Variants in LOC728743 observed in about 807,000 individuals in gnomAD.
At chr7:150,403,444 T>C in the LOC728743 span, among the ~76,000 whole-genome samples, 1 of 152,198 alleles carries the variant, frequency 6.6e-6, no homozygotes. The surrounding 1 kb of genome is among the most constrained non-coding windows in gnomAD (Gnocchi z 5.1). Flanking sequence ...TCCTCAGGCA[T>C]ATTATTGATT....
the LOC728743 span, among the ~76,000 whole-genome samples, chr7:150,402,247 T>C: frequency 3.4e-3 from 516 of 152,366 alleles, 2 homozygotes; most frequent in Non-Finnish European, 6.1e-3. Context: ...AGGGTTTGAA[T>C]TGATGTCATA....
At chr7:150,401,801 A>G in the LOC728743 span, among the ~76,000 whole-genome samples, 1 of 152,216 alleles carries the variant, frequency 6.6e-6, no homozygotes, top group Non-Finnish European at 1.5e-5. Flanking sequence ...TGTGGCTTGT[A>G]CGGCTGAGGA....
chr7:150,409,345 C>T, the LOC728743 span, among the ~76,000 whole-genome samples: 1 of 152,098 alleles, frequency 6.6e-6, no homozygotes, highest in South Asian at 2.1e-4. Flanking sequence ...CCTCGAGGGG[C>T]TTGGGTCATC....
At chr7:150,409,334 G>A in the LOC728743 span, among the ~76,000 whole-genome samples, 1 of 152,174 alleles carries the variant, frequency 6.6e-6, no homozygotes, top group African/African-American at 2.4e-5. Context: ...AAGAGCTGGA[G>A]CCTCGAGGGG....
At chr7:150,408,192 G>A in the LOC728743 span, 7 of 392,432 alleles carry the variant, frequency 1.8e-5, 1 homozygote, top group East Asian at 2.5e-4. Context: ...GGGCCCGAGG[G>A]CCAGGCGGCC....
the LOC728743 span, among the ~76,000 whole-genome samples, chr7:150,407,046 C>T: frequency 6.6e-6 from 1 of 152,190 alleles, no homozygotes; most frequent in South Asian, 2.1e-4. Flanking sequence ...TCCCTACCTC[C>T]CCCTGTCCTT....
At chr7:150,406,576 CCTCA>C in the LOC728743 span, among the ~76,000 whole-genome samples, 1 of 152,186 alleles carries the variant, frequency 6.6e-6, no homozygotes, top group Non-Finnish European at 1.5e-5. Context: ...AGTATGTTGA[CCTCA>C]CTGAGCCTCA....
the LOC728743 span, among the ~76,000 whole-genome samples, chr7:150,404,161 C>T: frequency 6.6e-6 from 1 of 152,248 alleles, no homozygotes; most frequent in African/African-American, 2.4e-5. Flanking sequence ...CACCTGGCAG[C>T]TACAGAGAGG....
At chr7:150,407,536 C>T in the LOC728743 span, 17 of 398,216 alleles carry the variant, frequency 4.3e-5, no homozygotes, top group Non-Finnish European at 6.6e-5. Context: ...TGTTCCCCGA[C>T]CCCTCTCTCT....
At chr7:150,408,304 G>T in the LOC728743 span, 2 of 362,732 alleles carry the variant, frequency 5.5e-6, no homozygotes, top group Non-Finnish European at 9.8e-6. Flanking sequence ...CTGGGCCGCA[G>T]CTCCCTCTCT....
At chr7:150,407,990 G>T in the LOC728743 span, 1 of 399,742 alleles carries the variant, frequency 2.5e-6, no homozygotes, top group Non-Finnish European at 4.4e-6. Context: ...GCACCAGTGC[G>T]CGCAGTGCGG....
chr7:150,402,451 T>C, the LOC728743 span, among the ~76,000 whole-genome samples: 1 of 152,228 alleles, frequency 6.6e-6, no homozygotes, highest in Non-Finnish European at 1.5e-5. Flanking sequence ...GGCCATCTTT[T>C]CTCTCTGCGC....
chr7:150,409,762 T>C, the LOC728743 span, among the ~76,000 whole-genome samples: 1 of 152,046 alleles, frequency 6.6e-6, no homozygotes, highest in Non-Finnish European at 1.5e-5. Flanking sequence ...CGAGGGGACC[T>C]GCACATTCAG....
chr7:150,407,563 C>T, the LOC728743 span: 1 of 398,228 alleles, frequency 2.5e-6, no homozygotes, highest in Non-Finnish European at 4.4e-6. Context: ...CCCACCCCCG[C>T]CCCCGCTTCT....
the LOC728743 span, chr7:150,408,410 G>C: frequency 2.8e-6 from 1 of 358,242 alleles, no homozygotes; most frequent in Non-Finnish European, 5.0e-6. Context: ...CCTCCCTCGG[G>C]ACCCTCTGGC....
At chr7:150,411,819 CTGCCCA>C in the LOC728743 span, 1 of 152,680 alleles carries the variant, frequency 6.5e-6, no homozygotes, top group African/African-American at 2.4e-5. Flanking sequence ...GTGTCCCCCT[CTGCCCA>C]TCACTGTGCT....
chr7:150,404,834 G>A, the LOC728743 span: 1 of 152,384 alleles, frequency 6.6e-6, no homozygotes, highest in Non-Finnish European at 1.5e-5. Context: ...CTGTCAGCGA[G>A]GGCAGCTCCT....
chr7:150,409,191 G>A, the LOC728743 span, among the ~76,000 whole-genome samples: 202 of 151,956 alleles, frequency 1.3e-3, 4 homozygotes, highest in East Asian at 0.034. Flanking sequence ...GTCCCAAGGG[G>A]AGGTTTGCCC....
At chr7:150,405,390 TC>T in the LOC728743 span, 1 of 152,092 alleles carries the variant, frequency 6.6e-6, no homozygotes, top group East Asian at 1.9e-4. Context: ...AGCCGGACCC[TC>T]GGGGGCGGGT....
Sources: gnomAD v4.1 joint callset for allele counts (sites outside exome capture counted in the v4.1 genomes callset) on GRCh38, gnomAD v4.1.1 for gene constraint, Gnocchi (gnomAD v3.1) non-coding constraint, MANE v1.5 for transcripts.